The following GLIS1 variants were observed in gnomAD, a reference collection of about 807,000 sequenced individuals.
The protein encoded by GLIS1 is zinc finger protein GLIS1.
In GLIS1, 24 loss-of-function variants were observed where a neutral mutation model predicts 63.8. The ratio of observed to expected loss-of-function variants is 0.38; its 90% CI spans 0.27 to 0.53. The LOEUF is 0.53. Ranked by LOEUF, GLIS1 falls within the 20% of genes least tolerant of loss-of-function variation. The probability of loss-of-function intolerance (pLI) is 0.85; values close to 1 mark genes in which losing one functional copy is unlikely to be tolerated. For missense variants in GLIS1, 1,036 were observed against 1,074.1 expected, an observed-to-expected ratio of 0.96 and a Z score of 0.50; for synonymous variants, 450 against 482.5, an observed-to-expected ratio of 0.93 and a Z score of 0.88.
chr1:53,615,458 G>A (rs1443886095), intron 2 of GLIS1, among the ~76,000 whole-genome samples: 1 of 152,220 alleles, frequency 6.6e-6, no homozygotes, highest in Non-Finnish European at 1.5e-5. Flanking sequence ...GGCCAAGGGA[G>A]ACTCCAGGCT....
rs115701261 is a variant in GLIS1 at position 53,586,223 on chromosome 1, T to C, written c.1320+7885A>G. On this transcript the variant is annotated intron_variant, in intron 4 of 10. Transcript: ENST00000628545. ...CAGGGGAGGAAGAAAAGCATCCCAA[T>C]GTAAGCCAAGATCTGTGGAGCTAAA... 6.5e-3 allele frequency among the ~76,000 whole-genome samples: 993 copies of C among 152,282 alleles called. 10 individuals are homozygous for C. The highest frequency in any genetic ancestry group is 0.023 in the African/African-American group (950 of 41,556).
intron 2 of GLIS1, among the ~76,000 whole-genome samples, chr1:53,656,156 C>T (rs1244640440): frequency 1.3e-5 from 2 of 152,174 alleles, no homozygotes; most frequent in Admixed American, 6.5e-5. Flanking sequence ...GGGGCAAAGG[C>T]TCACACACCT....
At chr1:53,647,265 T>C (rs1645856869) in intron 2 of GLIS1, among the ~76,000 whole-genome samples, 1 of 152,212 alleles carries the variant, frequency 6.6e-6, no homozygotes, top group African/African-American at 2.4e-5. Flanking sequence ...CAGCCAAGAA[T>C]AGCCAGGGTG....
At chr1:53,556,522 G>T (rs1485808291) in intron 4 of GLIS1, among the ~76,000 whole-genome samples, 3 of 138,650 alleles carry the variant, frequency 2.2e-5, no homozygotes, top group African/African-American at 8.4e-5. Flanking sequence ...GCAGATGTGT[G>T]TGCAGGTGTA....
At chr1:53,522,986 C>CTTTTTT (rs1553120127) in intron 6 of GLIS1, among the ~76,000 whole-genome samples, 31 of 43,688 alleles carry the variant, frequency 7.1e-4, no homozygotes, top group African/African-American at 1.3e-3. Context: ...TCTTTTCTTT[C>CTTTTTT]TTTTTTTTTT....
At chr1:53,589,511 C>T (rs1246330723) in intron 4 of GLIS1, among the ~76,000 whole-genome samples, 1 of 152,194 alleles carries the variant, frequency 6.6e-6, no homozygotes, top group African/African-American at 2.4e-5. Context: ...CAAGGCCCTC[C>T]CGGCAGGTCC....
chr1:53,734,607 C>T (rs553927604), intron 2 of GLIS1, among the ~76,000 whole-genome samples: 1 of 152,326 alleles, frequency 6.6e-6, no homozygotes, highest in African/African-American at 2.4e-5. Flanking sequence ...CCAGTATCTG[C>T]CCAGCACTTT....
chr1:53,605,079 G>A (rs1225140519), intron 2 of GLIS1, among the ~76,000 whole-genome samples: 1 of 151,972 alleles, frequency 6.6e-6, no homozygotes, highest in Admixed American at 6.6e-5. Context: ...GAGAGAGACA[G>A]GATTCAACAT....
At chr1:53,693,574 G>C (rs1020105946) in intron 2 of GLIS1, among the ~76,000 whole-genome samples, 2 of 152,166 alleles carry the variant, frequency 1.3e-5, no homozygotes, top group Admixed American at 1.3e-4. Context: ...TCTCACCCCC[G>C]CCCACAGATC....
intron 2 of GLIS1, among the ~76,000 whole-genome samples, chr1:53,722,911 T>C (rs1487063675): frequency 1.3e-5 from 2 of 150,620 alleles, no homozygotes; most frequent in African/African-American, 4.9e-5. Context: ...GGCGGGTGGA[T>C]CACCTGAGGT....
intron 2 of GLIS1, among the ~76,000 whole-genome samples, chr1:53,708,078 C>T (rs890672834): frequency 1.3e-5 from 2 of 152,006 alleles, no homozygotes; most frequent in South Asian, 2.1e-4. Flanking sequence ...GTCAGGAGAT[C>T]GAGACCATCC....
At chr1:53,573,260 C>T (rs542574402) in intron 4 of GLIS1, among the ~76,000 whole-genome samples, 6 of 152,214 alleles carry the variant, frequency 3.9e-5, no homozygotes, top group Admixed American at 1.3e-4. Context: ...GGGAAGGTGC[C>T]GCCTGTTAGA....
chr1:53,581,165 C>G (rs891967496), intron 4 of GLIS1, among the ~76,000 whole-genome samples: 1 of 152,166 alleles, frequency 6.6e-6, no homozygotes, highest in Non-Finnish European at 1.5e-5. Context: ...CCTGATAATG[C>G]CGATGAAGAA....
intron 2 of GLIS1, among the ~76,000 whole-genome samples, chr1:53,618,997 C>G (rs372058505): frequency 2.6e-5 from 4 of 152,216 alleles, no homozygotes; most frequent in South Asian, 4.1e-4. Context: ...CTGGAGATGC[C>G]TCTAAATGTT....
chr1:53,694,450 G>T (rs1396975610), intron 2 of GLIS1, among the ~76,000 whole-genome samples: 2 of 152,170 alleles, frequency 1.3e-5, no homozygotes, highest in Non-Finnish European at 2.9e-5. Context: ...TTCTCAATGG[G>T]CTGCACCCAG....
At chr1:53,592,877 C>CT (rs1645206230) in intron 4 of GLIS1, among the ~76,000 whole-genome samples, 4 of 152,260 alleles carry the variant, frequency 2.6e-5, no homozygotes, top group African/African-American at 9.6e-5. Context: ...CAGATCCTGT[C>CT]CGACGCCCAG....
intron 4 of GLIS1, among the ~76,000 whole-genome samples, chr1:53,577,888 C>T (rs947040536): frequency 1.1e-4 from 16 of 152,102 alleles, no homozygotes; most frequent in South Asian, 4.1e-4. Flanking sequence ...CCACTCCAAG[C>T]GAGGCTTCGT....
At position 53,552,906 on chromosome 1, in the gene GLIS1, C is replaced by T. The variant is rs537551041; in HGVS notation, c.1321-22954G>A. Among the ~76,000 whole-genome samples, 12 of 152,318 alleles carry T rather than the reference C, an allele frequency of 7.9e-5. No individual in the cohort carries two copies. In the South Asian group the frequency reaches 2.5e-3, roughly 32 times the overall value. On this transcript the variant is annotated intron_variant, in intron 4 of 10. Coordinates refer to ENST00000628545, the MANE Select transcript of GLIS1 (RefSeq NM_001367484.1). Reference sequence around the variant, plus strand: ...TCAGCCCATTTAAACATTTAGCAACCCTGGGAGGCAGCAAGTGGAGCTATC... The same window carrying T: ...TCAGCCCATTTAAACATTTAGCAACTCTGGGAGGCAGCAAGTGGAGCTATC...
intron 2 of GLIS1, among the ~76,000 whole-genome samples, chr1:53,626,751 T>A (rs550498491): frequency 1.1e-4 from 17 of 152,132 alleles, no homozygotes; most frequent in Non-Finnish European, 2.5e-4. Flanking sequence ...TTCCTACACA[T>A]CCTTGCTCTG....
Sources: gnomAD v4.1 joint callset for allele counts (sites outside exome capture counted in the v4.1 genomes callset) on GRCh38, gnomAD v4.1.1 for gene constraint, MANE v1.5 for transcripts, NCBI Gene and HGNC (gene_info 2026-07-23, HGNC 2026-07-21) for gene names.